The following PTER variants were observed in gnomAD, a reference collection of about 807,000 sequenced individuals.
The protein encoded by PTER is N-acetyltaurine hydrolase.
PTER carries 38 observed loss-of-function variants against 29.6 expected under a neutral mutation model. The ratio of observed to expected loss-of-function variants is 1.28; its 90% CI spans 0.99 to 1.68. PTER has a LOEUF of 1.68. Ranked by LOEUF, PTER falls within the 40% of genes most tolerant of loss-of-function variation. The pLI is 0.00. For missense variants in PTER, 482 were observed against 427.8 expected (o/e 1.13, Z -1.12); for synonymous variants, 172 against 154.5 (o/e 1.11, Z -0.84).
At chr10:16,488,688 C>T (rs760860828) in intron 3 of PTER, among the ~76,000 whole-genome samples, 2 of 152,066 alleles carry the variant, frequency 1.3e-5, no homozygotes, top group Non-Finnish European at 2.9e-5. Context: ...ACTGCAGCCT[C>T]ACCCTCCCAA....
At chr10:16,500,552 A>G (rs1288815625) in intron 3 of PTER, among the ~76,000 whole-genome samples, 1 of 152,134 alleles carries the variant, frequency 6.6e-6, no homozygotes, top group Non-Finnish European at 1.5e-5. Flanking sequence ...GTGCCCGGCC[A>G]GGGGTTACTT....
At chr10:16,459,424 A>G (rs1834525787) in intron 1 of PTER, among the ~76,000 whole-genome samples, 2 of 152,218 alleles carry the variant, frequency 1.3e-5, no homozygotes. Flanking sequence ...GTCTCTGTTT[A>G]AGGAATCAAT....
Position 16,486,631 on chromosome 10 carries a change from C to A in PTER, c.698+14C>A. On this transcript the variant is annotated intron_variant, in intron 3 of 4. Transcript: ENST00000535784. The stretch of plus-strand genomic sequence containing the variant: ...ACACCTGGATAGGTAAGTAGGCTGT[C>A]TTACAAATGGATGCAAACTGCCATA... The A allele has an allele frequency of 6.3e-7, 1 of 1,593,836 alleles. No homozygotes were observed. The highest frequency in any genetic ancestry group is 8.6e-7 in the Non-Finnish European group (1 of 1,168,854).
At chr10:16,499,585 G>A (rs1347809936) in intron 3 of PTER, among the ~76,000 whole-genome samples, 2 of 151,944 alleles carry the variant, frequency 1.3e-5, no homozygotes, top group Admixed American at 1.3e-4. Context: ...GGGACCCCGG[G>A]TGTGCACCAC....
At chr10:16,463,405 A>G (rs1834694675) in intron 1 of PTER, among the ~76,000 whole-genome samples, 2 of 151,490 alleles carry the variant, frequency 1.3e-5, no homozygotes, top group Admixed American at 6.6e-5. Context: ...GGTGATGCAT[A>G]TTTTCTTTTT....
intron 1 of PTER, among the ~76,000 whole-genome samples, chr10:16,472,400 A>C (rs1368786826): frequency 1.3e-5 from 2 of 152,150 alleles, no homozygotes; most frequent in East Asian, 3.9e-4. Context: ...TAATTGAATC[A>C]CGGGGGCGGT....
chr10:16,455,649 C>T (rs957338658), intron 1 of PTER, among the ~76,000 whole-genome samples: 3 of 152,142 alleles, frequency 2.0e-5, no homozygotes, highest in Non-Finnish European at 2.9e-5. Context: ...CACGATCATG[C>T]CACTGCACTC....
intron 3 of PTER, among the ~76,000 whole-genome samples, chr10:16,502,073 C>T (rs1039437730): frequency 1.3e-5 from 2 of 152,136 alleles, no homozygotes; most frequent in Admixed American, 6.5e-5. Flanking sequence ...GTATATGCCT[C>T]GATATAGCAC....
At chr10:16,438,321 AG>A (rs1402965381) in intron 1 of PTER, among the ~76,000 whole-genome samples, 1 of 145,512 alleles carries the variant, frequency 6.9e-6, no homozygotes, top group Non-Finnish European at 1.5e-5. Flanking sequence ...TTTTAAGACT[AG>A]GTCTCATTAT....
chr10:16,449,423 A>ATTTTTT (rs1434440848), intron 1 of PTER, among the ~76,000 whole-genome samples: 1 of 105,056 alleles, frequency 9.5e-6, no homozygotes, highest in South Asian at 3.5e-4. Flanking sequence ...TTCAACAATA[A>ATTTTTT]TTTTCTTTTT....
chr10:16,483,436 T>G (rs146120754), intron 1 of PTER, among the ~76,000 whole-genome samples: 68 of 152,320 alleles, frequency 4.5e-4, no homozygotes, highest in African/African-American at 1.4e-3. Flanking sequence ...GAGGGGCATA[T>G]TCTATGAAGT....
At chr10:16,482,459 G>A (rs916725647) in intron 1 of PTER, among the ~76,000 whole-genome samples, 3 of 152,142 alleles carry the variant, frequency 2.0e-5, no homozygotes, top group Admixed American at 2.0e-4. Context: ...TATGGTCTGC[G>A]TGCCAAATGC....
chr10:16,502,801 C>T (rs1836402648), intron 3 of PTER, among the ~76,000 whole-genome samples: 2 of 151,644 alleles, frequency 1.3e-5, no homozygotes, highest in Admixed American at 1.3e-4. Context: ...CCAGCCTGGC[C>T]AACATGGCAA....
intron 1 of PTER, among the ~76,000 whole-genome samples, chr10:16,462,643 G>A (rs532971182): frequency 8.7e-5 from 13 of 148,988 alleles, no homozygotes; most frequent in African/African-American, 3.2e-4. Context: ...CAATCTTAGC[G>A]CTCTGTAGAC....
intron 3 of PTER, among the ~76,000 whole-genome samples, chr10:16,497,409 A>G (rs907151902): frequency 3.3e-5 from 5 of 152,206 alleles, no homozygotes; most frequent in African/African-American, 1.2e-4. Flanking sequence ...AACTATAATT[A>G]TTAGCTTAAA....
chr10:16,457,844 G>T (rs1834469393), intron 1 of PTER, among the ~76,000 whole-genome samples: 1 of 151,348 alleles, frequency 6.6e-6, no homozygotes, highest in Non-Finnish European at 1.5e-5. Flanking sequence ...CCCAGCCTCA[G>T]GTGATCTACC....
At chr10:16,516,023 T>G (rs937058394), downstream of PTER, among the ~76,000 whole-genome samples, 1 of 152,158 alleles carries the variant, frequency 6.6e-6, no homozygotes, top group Non-Finnish European at 1.5e-5. Flanking sequence ...TGTGATATAG[T>G]CTCACGTTAA....
intron 1 of PTER, among the ~76,000 whole-genome samples, chr10:16,446,780 G>GT (rs1554785872): frequency 6.7e-6 from 1 of 149,300 alleles, no homozygotes; most frequent in African/African-American, 2.6e-5. Flanking sequence ...TTGTTTGTTT[G>GT]TTTGTTTTGT....
chr10:16,458,481 CAGG>C (rs1340779734), intron 1 of PTER, among the ~76,000 whole-genome samples: 3 of 152,168 alleles, frequency 2.0e-5, no homozygotes, highest in Non-Finnish European at 4.4e-5. Context: ...GCCATTAGAA[CAGG>C]AGATTATAAT....
Sources: gnomAD v4.1 joint callset for allele counts (sites outside exome capture counted in the v4.1 genomes callset) on GRCh38, gnomAD v4.1.1 for gene constraint, MANE v1.5 for transcripts, NCBI Gene and HGNC (gene_info 2026-07-23, HGNC 2026-07-21) for gene names.